ARHGAP12: variants seen among roughly 807,000 people sequenced by gnomAD.
ARHGAP12 encodes the protein rho GTPase-activating protein 12.
A neutral mutation model predicts 108.6 loss-of-function variants in ARHGAP12; 64 were observed. That is an observed-to-expected ratio of 0.59 (90% CI 0.48 to 0.73). The LOEUF (loss-of-function observed/expected upper bound fraction) is 0.73, where lower values mean the gene tolerates loss of function less well. ARHGAP12 is among the 30% of genes least tolerant of loss of function. The probability of loss-of-function intolerance (pLI) is 0.00; values close to 1 mark genes in which losing one functional copy is unlikely to be tolerated. For missense variants in ARHGAP12, 940 were observed against 1,005.9 expected (o/e 0.93, Z 0.89); for synonymous variants, 312 against 337.2 (o/e 0.93, Z 0.82).
intron 11 of ARHGAP12, among the ~76,000 whole-genome samples, chr10:31,823,502 C>G (rs1236691493): frequency 1.3e-5 from 2 of 151,718 alleles, no homozygotes. Context: ...CAATACGAAC[C>G]ATGAATAATT....
In ARHGAP12 at chr10:31,917,279, G is replaced by A. The variant is rs564480655; in HGVS notation, c.-110-6716C>T. On this transcript the variant is annotated intron_variant, in intron 1 of 19. Coordinates refer to ENST00000344936, the MANE Select transcript of ARHGAP12 (RefSeq NM_018287.7). ...AAAAATTAGCCAGGCGTGGTAGCAC[G>A]TGCCTGTAATCCCAGCTACTCGGGA... Among the ~76,000 whole-genome samples, 8 of 152,102 alleles carry A rather than the reference G, an allele frequency of 5.3e-5. No homozygotes were observed. The South Asian group carries it at 6.2e-4, about 12-fold the overall frequency.
intron 1 of ARHGAP12, among the ~76,000 whole-genome samples, chr10:31,922,281 CA>C (rs1391275003): frequency 1.5e-5 from 2 of 133,136 alleles, no homozygotes; most frequent in South Asian, 2.4e-4. Flanking sequence ...AGAAAAGAAA[CA>C]AATTATCAAA....
chr10:31,927,991 A>G (rs1840120566), intron 1 of ARHGAP12, among the ~76,000 whole-genome samples: 2 of 152,206 alleles, frequency 1.3e-5, no homozygotes, highest in Non-Finnish European at 1.5e-5. Context: ...ACGTCCATCC[A>G]GCAGGGGCAG....
rs1020437185 is a variant in ARHGAP12, at chr10:31,928,804, G to A, written c.-232C>T. 3 of 151,890 alleles carry A rather than the reference G, an allele frequency of 2.0e-5. No individual in the cohort carries two copies. The highest frequency in any genetic ancestry group is 4.4e-5 in the Non-Finnish European group (3 of 67,974). 9.4% of individuals were successfully genotyped at this position (151,890 alleles called of 1,614,324 possible). A position where few individuals can be genotyped will look rare whatever the true frequency, so the allele number is the denominator to read the frequency against. On this transcript the variant is annotated 5_prime_UTR_variant, in exon 1 of 20. Transcript: ENST00000344936. ...CGGCCGCGGCCGGCCCGTCCCCGCAGGCTGGCCTCTGAGGGAGGGTAAGTT... is the reference window on the plus strand; with the variant it reads ...CGGCCGCGGCCGGCCCGTCCCCGCAAGCTGGCCTCTGAGGGAGGGTAAGTT...
chr10:31,841,642 A>G (rs1028383934), intron 7 of ARHGAP12, among the ~76,000 whole-genome samples: 1 of 152,168 alleles, frequency 6.6e-6, no homozygotes, highest in Non-Finnish European at 1.5e-5. Flanking sequence ...TTCAGAGCAC[A>G]TTTAAGGTAG....
chr10:31,809,162 ATTACT>A (rs761433212), intron 17 of ARHGAP12, 34 bp from the exon 18 acceptor site: 13 of 1,612,826 alleles, frequency 8.1e-6, no homozygotes, highest in South Asian at 3.3e-5. Context: ...ATTTTAAAAA[ATTACT>A]TTAAGCCAGT....
At chr10:31,824,682 A>C (rs923321997) in intron 11 of ARHGAP12, among the ~76,000 whole-genome samples, 10 of 152,160 alleles carry the variant, frequency 6.6e-5, no homozygotes, top group African/African-American at 2.4e-4. Context: ...ATAAGTTTTC[A>C]TTTCATCTAA....
At chr10:31,897,166 A>G (rs1329678173) in intron 3 of ARHGAP12, among the ~76,000 whole-genome samples, 2 of 152,174 alleles carry the variant, frequency 1.3e-5, no homozygotes, top group Non-Finnish European at 2.9e-5. Context: ...GAGGGAAAAA[A>G]TAACTAGTAT....
intron 1 of ARHGAP12, among the ~76,000 whole-genome samples, chr10:31,916,053 T>C (rs746153975): frequency 6.6e-6 from 1 of 152,296 alleles, no homozygotes; most frequent in African/African-American, 2.4e-5. Flanking sequence ...TTCTATAAAG[T>C]ATTTTGGTTA....
intron 1 of ARHGAP12, among the ~76,000 whole-genome samples, chr10:31,920,224 G>T (rs1181486148): frequency 6.6e-6 from 1 of 151,730 alleles, no homozygotes; most frequent in South Asian, 2.1e-4. Context: ...AGGCAGAGGT[G>T]GGCGGATCAC....
intron 15 of ARHGAP12, among the ~76,000 whole-genome samples, chr10:31,811,577 G>C (rs1835020624): frequency 6.8e-6 from 1 of 147,142 alleles, no homozygotes; most frequent in Non-Finnish European, 1.5e-5. Flanking sequence ...TAAAGACTCT[G>C]AACTCATCAT....
At chr10:31,875,205 T>C (rs1399391600) in intron 3 of ARHGAP12, among the ~76,000 whole-genome samples, 2 of 152,086 alleles carry the variant, frequency 1.3e-5, no homozygotes, top group Non-Finnish European at 2.9e-5. Flanking sequence ...AAAAGGGCCA[T>C]TAATTTTAAA....
intron 10 of ARHGAP12, chr10:31,827,106 T>TG (rs1202200593): frequency 6.6e-6 from 1 of 152,238 alleles, no homozygotes; most frequent in African/African-American, 2.4e-5. Flanking sequence ...TCTACTATCC[T>TG]ATCTCCAGAT....
At chr10:31,871,563 A>G (rs1837544247) in intron 3 of ARHGAP12, among the ~76,000 whole-genome samples, 1 of 152,160 alleles carries the variant, frequency 6.6e-6, no homozygotes, top group Admixed American at 6.5e-5. Context: ...CCTGACAAAG[A>G]CAATAATAAA....
chr10:31,807,953 G>A, intron 19 of ARHGAP12, 121 bp from the exon 20 acceptor site: 4 of 673,082 alleles, frequency 5.9e-6, no homozygotes, highest in Non-Finnish European at 8.9e-6. Context: ...TTTTCCTAAG[G>A]TGATGCATAA....
chr10:31,908,829 C>T lies in ARHGAP12; in HGVS notation c.27G>A (p.Lys9=). Residue 9 remains lysine, a synonymous_variant, in exon 3 of 20, where the codon AAG becomes AAA. Transcript: ENST00000344936. ...CAATATACACTTGTCCTGGAATAAT[C>T]TTCCCACTTCTGTCAGCCATTTTCA... The part of the protein sequence containing the change: MKMADRSG[K]IIPGQVYIEV... 1 of 1,596,714 alleles carries T rather than the reference C, an allele frequency of 6.3e-7. No homozygotes were observed.
intron 1 of ARHGAP12, among the ~76,000 whole-genome samples, chr10:31,911,513 C>T (rs1839347840): frequency 1.3e-5 from 2 of 152,062 alleles, no homozygotes; most frequent in Admixed American, 1.3e-4. Flanking sequence ...GAGGTTCCAC[C>T]ATGTTGCCCA....
chr10:31,834,132 AAT>A (rs1191433112), intron 9 of ARHGAP12, among the ~76,000 whole-genome samples: 1 of 152,160 alleles, frequency 6.6e-6, no homozygotes, highest in Non-Finnish European at 1.5e-5. Context: ...GGTAGCTGGT[AAT>A]ATCTCCACTT....
chr10:31,852,543 A>G lies in ARHGAP12; in HGVS notation c.1144T>C (p.Ser382Pro), dbSNP rs1836726191. Residue 382 changes from serine (S) to proline (P), a missense_variant, in exon 6 of 20, where the codon TCT (serine) becomes CCT (proline). Coordinates refer to ENST00000344936, the MANE Select transcript of ARHGAP12 (RefSeq NM_018287.7). ...GRQYYYSADG[S>P]RSEWELPKYN... ...TTTGGCAATTCCCATTCTGACCGAG[A>G]TCCGTCTGCACTGTAGTAATATTGT... 6.2e-7 allele frequency: 1 copy of G among 1,613,244 alleles called. No individual in the cohort carries two copies. Among genetic ancestry groups the G allele is most frequent in the Non-Finnish European group, 8.5e-7 (1 of 1,179,322 alleles).
Sources: gnomAD v4.1 joint callset for allele counts (sites outside exome capture counted in the v4.1 genomes callset) on GRCh38, gnomAD v4.1.1 for gene constraint, MANE v1.5 for transcripts, NCBI Gene and HGNC (gene_info 2026-07-23, HGNC 2026-07-21) for gene names.